SLC22A3: variants seen among roughly 807,000 people sequenced by gnomAD.
The protein encoded by SLC22A3 is EMT organic cation transporter 3.
SLC22A3 carries 51 observed loss-of-function variants against 59.1 expected under a neutral mutation model. The observed-to-expected ratio is 0.86, with a 90% CI of 0.69 to 1.09. The LOEUF is 1.09. SLC22A3 is among the 50% of genes least tolerant of loss of function. The pLI is 0.00. For missense variants in SLC22A3, 711 were observed against 726.3 expected, an observed-to-expected ratio of 0.98 and a Z score of 0.24; for synonymous variants, 325 against 292.0, an observed-to-expected ratio of 1.11 and a Z score of -1.15.
chr6:160,352,365 CTTG>C (rs766037099), intron 1 of SLC22A3, among the ~76,000 whole-genome samples: 33 of 152,330 alleles, frequency 2.2e-4, no homozygotes, highest in South Asian at 1.2e-3. Flanking sequence ...TCGGCCTTAT[CTTG>C]TTGTCAGATA....
intron 1 of SLC22A3, among the ~76,000 whole-genome samples, chr6:160,365,316 A>C (rs756758617): frequency 6.6e-6 from 1 of 152,202 alleles, no homozygotes; most frequent in African/African-American, 2.4e-5. Flanking sequence ...AGATGTCATG[A>C]AAAATTGTTT....
intron 1 of SLC22A3, among the ~76,000 whole-genome samples, chr6:160,352,967 C>A (rs1281768722): frequency 6.6e-6 from 1 of 152,130 alleles, no homozygotes; most frequent in Admixed American, 6.5e-5. Flanking sequence ...ATTACAGGCA[C>A]CCGCCACCGC....
intron 1 of SLC22A3, among the ~76,000 whole-genome samples, chr6:160,386,873 C>T (rs138082217): frequency 9.2e-5 from 14 of 152,308 alleles, no homozygotes; most frequent in Non-Finnish European, 1.9e-4. Context: ...GACCTCCTGG[C>T]TCCTTCCTAT....
chr6:160,447,910 G>GA (rs1382968274), intron 10 of SLC22A3, 92 bp downstream of exon 10: 12 of 980,938 alleles, frequency 1.2e-5, no homozygotes, highest in African/African-American at 3.2e-5. Context: ...TATCCACAGG[G>GA]AAAAAAATAA....
intron 2 of SLC22A3, among the ~76,000 whole-genome samples, chr6:160,399,665 A>C (rs142770459): frequency 1.6e-3 from 243 of 152,312 alleles, no homozygotes; most frequent in Non-Finnish European, 2.9e-3. Context: ...GAAATAACTT[A>C]ATAGGCCATT....
chr6:160,366,987 A>G (rs1785227117), intron 1 of SLC22A3, among the ~76,000 whole-genome samples: 1 of 152,068 alleles, frequency 6.6e-6, no homozygotes, highest in South Asian at 2.1e-4. Flanking sequence ...AGCTGTTTCA[A>G]TCTCTGCTTG....
intron 1 of SLC22A3, among the ~76,000 whole-genome samples, chr6:160,397,579 C>T (rs1267644095): frequency 1.3e-5 from 2 of 151,822 alleles, no homozygotes; most frequent in African/African-American, 4.8e-5. Context: ...ACTAAAAATA[C>T]AAAAATTAGA....
At chr6:160,371,068 C>T (rs562369418) in intron 1 of SLC22A3, among the ~76,000 whole-genome samples, 301 of 152,296 alleles carry the variant, frequency 2.0e-3, no homozygotes, top group African/African-American at 6.7e-3. Context: ...TTCTATTTCA[C>T]GTATCACATC....
At chr6:160,363,452 G>A (rs1240957667) in intron 1 of SLC22A3, among the ~76,000 whole-genome samples, 1 of 152,182 alleles carries the variant, frequency 6.6e-6, no homozygotes, top group Non-Finnish European at 1.5e-5. Flanking sequence ...CACAAGAGCG[G>A]GGCCCTCCTG....
intron 5 of SLC22A3, among the ~76,000 whole-genome samples, chr6:160,427,265 T>C (rs1244081607): frequency 6.6e-6 from 1 of 152,152 alleles, no homozygotes; most frequent in Non-Finnish European, 1.5e-5. Context: ...AGAAAAGGGA[T>C]GGAGGAACAT....
At chr6:160,354,112 G>T (rs1485295789) in intron 1 of SLC22A3, among the ~76,000 whole-genome samples, 1 of 152,150 alleles carries the variant, frequency 6.6e-6, no homozygotes, top group East Asian at 1.9e-4. Context: ...AAAGGTAGGG[G>T]ACTCCAACAG....
chr6:160,356,687 G>A (rs370088581), intron 1 of SLC22A3, among the ~76,000 whole-genome samples: 2 of 152,242 alleles, frequency 1.3e-5, no homozygotes, highest in South Asian at 2.1e-4. Flanking sequence ...ATTCTGCCTC[G>A]GTTTTTTCCC....
chr6:160,360,958 A>G (rs962650617), intron 1 of SLC22A3, among the ~76,000 whole-genome samples: 5 of 152,218 alleles, frequency 3.3e-5, no homozygotes, highest in African/African-American at 7.2e-5. Flanking sequence ...ATTCTAAAAG[A>G]AGGGGTAGGG....
intron 1 of SLC22A3, among the ~76,000 whole-genome samples, chr6:160,387,183 A>G (rs1292463696): frequency 6.6e-6 from 1 of 152,258 alleles, no homozygotes; most frequent in Non-Finnish European, 1.5e-5. Flanking sequence ...ATGCAGAGCC[A>G]GGAAAACCTG....
intron 5 of SLC22A3, among the ~76,000 whole-genome samples, chr6:160,422,656 C>T (rs1313385118): frequency 6.6e-6 from 1 of 152,122 alleles, no homozygotes; most frequent in Non-Finnish European, 1.5e-5. Context: ...GAAAGGCAAA[C>T]AGATTGAGAC....
intron 1 of SLC22A3, among the ~76,000 whole-genome samples, chr6:160,351,790 G>C (rs561817322): frequency 4.6e-5 from 7 of 152,236 alleles, no homozygotes; most frequent in South Asian, 2.1e-4. Context: ...ATGGTGGGAG[G>C]GGTATCATTG....
chr6:160,373,443 A>G lies in SLC22A3; in HGVS notation c.430-24536A>G, dbSNP rs1490998219. On this transcript the variant is annotated intron_variant, in intron 1 of 10. Coordinates refer to ENST00000275300, the MANE Select transcript of SLC22A3 (RefSeq NM_021977.4). ...GCTCTTTTGTATGAGGTGTTTGTCAACCCTTGCTGGGAGGTGTCTCCCAGT... is the reference window on the plus strand; with the variant it reads ...GCTCTTTTGTATGAGGTGTTTGTCAGCCCTTGCTGGGAGGTGTCTCCCAGT... 2.6e-5 allele frequency among the ~76,000 whole-genome samples: 4 copies of G among 152,150 alleles called. No homozygotes were observed. The East Asian group carries it at 7.7e-4, about 29-fold the overall frequency.
At chr6:160,408,708 G>C in intron 3 of SLC22A3, 45 bp from the exon 4 acceptor site, 1 of 1,593,680 alleles carries the variant, frequency 6.3e-7, no homozygotes, top group South Asian at 1.1e-5. Context: ...TTATTTTGGA[G>C]CTGACCTTGT....
chr6:160,401,878 G>C (rs184486792), intron 2 of SLC22A3, among the ~76,000 whole-genome samples: 4 of 151,902 alleles, frequency 2.6e-5, no homozygotes, highest in Admixed American at 6.6e-5. Context: ...AAGCATGACT[G>C]ATATGCTAAA....
Sources: allele counts gnomAD v4.1 joint callset (sites outside exome capture counted in the v4.1 genomes callset), GRCh38; gene constraint gnomAD v4.1.1; transcripts MANE v1.5; gene names NCBI Gene and HGNC (gene_info 2026-07-23, HGNC 2026-07-21).